AGBL4: variants seen among roughly 807,000 people sequenced by gnomAD.
The protein encoded by AGBL4 is AGBL carboxypeptidase 4.
Under a neutral mutation model 66.4 loss-of-function variants are expected in AGBL4, and 58 were observed. That is an observed-to-expected ratio of 0.87 (90% CI 0.71 to 1.09). AGBL4 has a LOEUF of 1.09. Among genes scored for constraint, AGBL4 ranks in the 50% least tolerant of loss-of-function variants. The probability of loss-of-function intolerance (pLI) is 0.00; values close to 1 mark genes in which losing one functional copy is unlikely to be tolerated. For missense variants in AGBL4, 579 were observed against 631.0 expected (o/e 0.92, Z 0.88); for synonymous variants, 234 against 222.9 (o/e 1.05, Z -0.44).
intron 3 of AGBL4, among the ~76,000 whole-genome samples, chr1:49,628,918 C>T (rs1319968088): frequency 6.6e-6 from 1 of 152,146 alleles, no homozygotes; most frequent in Non-Finnish European, 1.5e-5. Context: ...AACAATGATA[C>T]CCTGTTAGAC....
At chr1:49,214,667 T>A (rs1456850078) in intron 4 of AGBL4, among the ~76,000 whole-genome samples, 1 of 152,140 alleles carries the variant, frequency 6.6e-6, no homozygotes, top group Non-Finnish European at 1.5e-5. Context: ...TTCCCCCACT[T>A]ATCCTTATAT....
At chr1:48,817,286 G>C (rs552833669) in intron 6 of AGBL4, among the ~76,000 whole-genome samples, 2 of 152,244 alleles carry the variant, frequency 1.3e-5, no homozygotes, top group East Asian at 3.9e-4. Context: ...AAAGGTACCT[G>C]GTTGACTAGC....
At chr1:48,753,392 C>G (rs975801893) in intron 6 of AGBL4, among the ~76,000 whole-genome samples, 2 of 152,250 alleles carry the variant, frequency 1.3e-5, no homozygotes, top group East Asian at 3.8e-4. Context: ...CCCAGGTTGT[C>G]TCCAGTACAG....
In AGBL4 at chr1:49,761,305, T is replaced by C. The variant is rs564140320; in HGVS notation, c.158-63868A>G. ...TTGTAAAAATAAATATAAATATTACTTTATTGTAAAACTCTTAATCTATTA... is the reference window on the plus strand; with the variant it reads ...TTGTAAAAATAAATATAAATATTACCTTATTGTAAAACTCTTAATCTATTA... On this transcript the variant is annotated intron_variant, in intron 2 of 13. Transcript: ENST00000371839. Among the ~76,000 whole-genome samples the C allele has an allele frequency of 1.1e-3, 172 of 152,290 alleles. 1 individual carries two copies. Among genetic ancestry groups the C allele is most frequent in the Non-Finnish European group, 1.9e-3 (126 of 68,028 alleles).
In AGBL4 at chr1:50,001,001, C is replaced by T. The variant is rs944861634; in HGVS notation, c.34+22762G>A. Among the ~76,000 whole-genome samples, 21 of 145,984 alleles carry T rather than the reference C, an allele frequency of 1.4e-4. 1 individual carries two copies. Among genetic ancestry groups the T allele is most frequent in the Non-Finnish European group, 1.5e-5 (1 of 66,656 alleles). On this transcript the variant is annotated intron_variant, in intron 1 of 13. Coordinates refer to ENST00000371839, the MANE Select transcript of AGBL4 (RefSeq NM_032785.4). ...GGGTGCACCAAAGTCTCAGAGACCA[C>T]GACTAAAAAAAATAAAAATAAAAAA...
intron 3 of AGBL4, among the ~76,000 whole-genome samples, chr1:49,327,290 C>T (rs753654951): frequency 6.6e-6 from 1 of 152,164 alleles, no homozygotes; most frequent in Non-Finnish European, 1.5e-5. Flanking sequence ...GTCACATCAC[C>T]TCTTATCTGC....
chr1:49,316,195 T>C (rs1645036131), intron 3 of AGBL4, among the ~76,000 whole-genome samples: 1 of 151,982 alleles, frequency 6.6e-6, no homozygotes, highest in South Asian at 2.1e-4. Flanking sequence ...GATAGATATA[T>C]GTTATCATAC....
chr1:49,852,613 G>A (rs984628013), intron 1 of AGBL4, among the ~76,000 whole-genome samples: 9 of 152,074 alleles, frequency 5.9e-5, no homozygotes, highest in African/African-American at 2.2e-4. Flanking sequence ...GAGAAATAAC[G>A]AACTTATCAC....
intron 3 of AGBL4, among the ~76,000 whole-genome samples, chr1:49,511,919 C>T (rs1649304010): frequency 6.6e-6 from 1 of 151,988 alleles, no homozygotes; most frequent in African/African-American, 2.4e-5. Flanking sequence ...ACTAGATGCA[C>T]TTATATTCCA....
chr1:49,900,008 C>T (rs1649612006), intron 1 of AGBL4, among the ~76,000 whole-genome samples: 1 of 151,964 alleles, frequency 6.6e-6, no homozygotes, highest in Admixed American at 6.6e-5. Context: ...TACCACTGCA[C>T]TCCAGCCTGG....
At chr1:48,908,125 G>A (rs1652789730) in intron 5 of AGBL4, among the ~76,000 whole-genome samples, 1 of 152,042 alleles carries the variant, frequency 6.6e-6, no homozygotes, top group Non-Finnish European at 1.5e-5. Flanking sequence ...TGTTCCTTTT[G>A]GGAAGACAGT....
chr1:49,130,488 G>A (rs1283848837), intron 4 of AGBL4, among the ~76,000 whole-genome samples: 1 of 152,170 alleles, frequency 6.6e-6, no homozygotes, highest in Non-Finnish European at 1.5e-5. Flanking sequence ...ATTAATTTTT[G>A]TATAAGGTGT....
intron 3 of AGBL4, among the ~76,000 whole-genome samples, chr1:49,404,127 C>T (rs981203393): frequency 4.6e-5 from 7 of 152,054 alleles, no homozygotes; most frequent in African/African-American, 1.7e-4. Context: ...TCTGGCCACC[C>T]CCCATTCATA....
intron 3 of AGBL4, among the ~76,000 whole-genome samples, chr1:49,329,233 G>A (rs928244610): frequency 2.6e-5 from 4 of 152,130 alleles, no homozygotes; most frequent in South Asian, 4.1e-4. Context: ...CTTAAACCTG[G>A]GAGGTGGTGG....
At chr1:49,556,645 G>C (rs181115013) in intron 3 of AGBL4, among the ~76,000 whole-genome samples, 144 of 151,916 alleles carry the variant, frequency 9.5e-4, no homozygotes, top group South Asian at 2.3e-3. Context: ...AGCTGGCTTC[G>C]CCTAGTGGAT....
At chr1:49,667,994 A>T (rs1235633641) in intron 3 of AGBL4, among the ~76,000 whole-genome samples, 1 of 152,152 alleles carries the variant, frequency 6.6e-6, no homozygotes, top group East Asian at 1.9e-4. Context: ...TGTTGTGAAG[A>T]TGCAATAACA....
At chr1:50,019,306 T>TCTCACA (rs1167835143) in intron 1 of AGBL4, among the ~76,000 whole-genome samples, 1,327 of 48,420 alleles carry the variant, frequency 0.027, 31 homozygotes, top group South Asian at 0.039. Context: ...TCTCTCTCTC[T>TCTCACA]CACACACACA....
At chr1:49,216,849 C>T (rs1039942267) in intron 4 of AGBL4, among the ~76,000 whole-genome samples, 2 of 152,112 alleles carry the variant, frequency 1.3e-5, no homozygotes, top group African/African-American at 4.8e-5. Flanking sequence ...ACTATTGTTT[C>T]AGTGTAACAG....
intron 2 of AGBL4, among the ~76,000 whole-genome samples, chr1:49,770,174 C>A (rs921342015): frequency 1.3e-5 from 2 of 151,898 alleles, no homozygotes; most frequent in African/African-American, 4.8e-5. Flanking sequence ...TCTGTATGGC[C>A]GTTATCGTGA....
Sources: allele counts gnomAD v4.1 joint callset (sites outside exome capture counted in the v4.1 genomes callset), GRCh38; gene constraint gnomAD v4.1.1; transcripts MANE v1.5; gene names NCBI Gene and HGNC (gene_info 2026-07-23, HGNC 2026-07-21).